Variants in EXOC6B observed in about 807,000 individuals in gnomAD.
EXOC6B encodes the protein exocyst complex component 6B.
Under a neutral mutation model 113.5 loss-of-function variants are expected in EXOC6B, and 54 were observed. The ratio of observed to expected loss-of-function variants is 0.48; its 90% CI spans 0.38 to 0.60. The LOEUF (loss-of-function observed/expected upper bound fraction) is 0.60. Among genes scored for constraint, EXOC6B ranks in the 20% least tolerant of loss-of-function variants. The pLI is 0.00. For missense variants in EXOC6B, 797 were observed against 977.5 expected (o/e 0.82, Z 2.46); for synonymous variants, 357 against 339.0 (o/e 1.05, Z -0.58).
At chr2:72,260,574 A>G (rs1246887196) in intron 20 of EXOC6B, among the ~76,000 whole-genome samples, 1 of 152,232 alleles carries the variant, frequency 6.6e-6, no homozygotes, top group African/African-American at 2.4e-5. Flanking sequence ...CTGAAAGTGT[A>G]ACGGAAAAGA....
chr2:72,224,201 C>A (rs1250421812), intron 20 of EXOC6B, among the ~76,000 whole-genome samples: 2 of 152,098 alleles, frequency 1.3e-5, no homozygotes, highest in African/African-American at 4.8e-5. Flanking sequence ...TATTTTACAC[C>A]TAACGATTAG....
intron 18 of EXOC6B, among the ~76,000 whole-genome samples, chr2:72,435,926 T>C (rs1034229156): frequency 2.6e-5 from 4 of 152,332 alleles, no homozygotes; most frequent in Admixed American, 2.6e-4. Context: ...ATGTGTGAAT[T>C]TGATCCTGTC....
chr2:72,187,353 T>A (rs1465144130), intron 20 of EXOC6B, among the ~76,000 whole-genome samples: 2 of 152,038 alleles, frequency 1.3e-5, no homozygotes, highest in African/African-American at 4.8e-5. Context: ...ATGTTTGTGT[T>A]ACCCCAGCTC....
intron 1 of EXOC6B, among the ~76,000 whole-genome samples, chr2:72,759,912 T>C (rs940323700): frequency 6.6e-6 from 1 of 152,196 alleles, no homozygotes; most frequent in Non-Finnish European, 1.5e-5. Flanking sequence ...TTAATGTCCC[T>C]ACCTTTTGAA....
chr2:72,554,887 T>C (rs184443717), intron 8 of EXOC6B, among the ~76,000 whole-genome samples: 2,715 of 152,250 alleles, frequency 0.018, 41 homozygotes, highest in Middle Eastern at 0.037. Context: ...GTATTTCTCC[T>C]AATGCTATCC....
At chr2:72,565,195 G>A (rs1384283220) in intron 7 of EXOC6B, among the ~76,000 whole-genome samples, 2 of 151,594 alleles carry the variant, frequency 1.3e-5, no homozygotes, top group Non-Finnish European at 2.9e-5. Context: ...ACAAAAAATT[G>A]CAAAACTTAG....
chr2:72,257,013 C>T (rs982132871), intron 20 of EXOC6B, among the ~76,000 whole-genome samples: 2 of 152,160 alleles, frequency 1.3e-5, no homozygotes, highest in African/African-American at 4.8e-5. Context: ...CTTTGCTCTG[C>T]ATAAGCAGTC....
At chr2:72,637,802 A>T (rs1204833082) in intron 6 of EXOC6B, among the ~76,000 whole-genome samples, 3 of 151,974 alleles carry the variant, frequency 2.0e-5, no homozygotes, top group Admixed American at 6.6e-5. Context: ...AAAAAAAAAA[A>T]AACTGAAACC....
chr2:72,765,070 T>C (rs1682978447), intron 1 of EXOC6B, among the ~76,000 whole-genome samples: 1 of 136,454 alleles, frequency 7.3e-6, no homozygotes, highest in Admixed American at 7.8e-5. Context: ...CTGAGCAACA[T>C]GGTGAGACCC....
intron 18 of EXOC6B, among the ~76,000 whole-genome samples, chr2:72,420,923 A>G (rs7420588): frequency 0.36 from 54,291 of 152,050 alleles, 15,652 homozygotes; most frequent in African/African-American, 0.8. Flanking sequence ...TTTAATGACC[A>G]CCATTCTAAC....
At chr2:72,784,110 C>T (rs1684235019) in intron 1 of EXOC6B, among the ~76,000 whole-genome samples, 1 of 152,188 alleles carries the variant, frequency 6.6e-6, no homozygotes, top group African/African-American at 2.4e-5. Context: ...TATCCTTTCC[C>T]CAATGTATGC....
chr2:72,769,956 T>C (rs1683318641), intron 1 of EXOC6B, among the ~76,000 whole-genome samples: 1 of 152,148 alleles, frequency 6.6e-6, no homozygotes, highest in African/African-American at 2.4e-5. Flanking sequence ...GAAGACAAGA[T>C]ACTCAAGGAA....
intron 6 of EXOC6B, among the ~76,000 whole-genome samples, chr2:72,697,625 A>G (rs1208409940): frequency 6.6e-6 from 1 of 152,200 alleles, no homozygotes; most frequent in South Asian, 2.1e-4. Flanking sequence ...CAGAGGTTGC[A>G]GTAAGCCAAG....
chr2:72,258,533 T>C (rs545803429), intron 20 of EXOC6B, among the ~76,000 whole-genome samples: 40 of 151,622 alleles, frequency 2.6e-4, no homozygotes, highest in African/African-American at 9.2e-4. Context: ...TGGCTAATTT[T>C]TTAAATTTTT....
chr2:72,296,080 A>C (rs1214857937), intron 20 of EXOC6B, among the ~76,000 whole-genome samples: 1 of 152,086 alleles, frequency 6.6e-6, no homozygotes, highest in Admixed American at 6.6e-5. Flanking sequence ...AGAATCCTGA[A>C]CATGTATGTC....
At chr2:72,267,364 G>T (rs1684188691) in intron 20 of EXOC6B, among the ~76,000 whole-genome samples, 1 of 151,838 alleles carries the variant, frequency 6.6e-6, no homozygotes. Flanking sequence ...TCCAGTTTTT[G>T]CCCATTCAGT....
chr2:72,414,389 T>C (rs1483133933), intron 18 of EXOC6B, among the ~76,000 whole-genome samples: 2 of 152,224 alleles, frequency 1.3e-5, no homozygotes. Context: ...ATGAATAGTT[T>C]ATCTTATTGT....
intron 20 of EXOC6B, among the ~76,000 whole-genome samples, chr2:72,307,163 T>TTTTGTTTTTTTTTTTTTTTG (rs1312448461): frequency 1.4e-5 from 2 of 147,570 alleles, no homozygotes; most frequent in Non-Finnish European, 3.0e-5. Context: ...ATAGTCCAGT[T>TTTTGTTTTTTTTTTTTTTTG]TTTTTTTTTT....
At chr2:72,637,562 G>A (rs989395779) in intron 6 of EXOC6B, among the ~76,000 whole-genome samples, 1 of 152,172 alleles carries the variant, frequency 6.6e-6, no homozygotes, top group Admixed American at 6.5e-5. Context: ...GCAGAGGTGG[G>A]CAGATCACTT....
Sources: allele counts gnomAD v4.1 joint callset (sites outside exome capture counted in the v4.1 genomes callset), GRCh38; gene constraint gnomAD v4.1.1; transcripts MANE v1.5; gene names NCBI Gene and HGNC (gene_info 2026-07-23, HGNC 2026-07-21).